ANKFN1: variants seen among roughly 807,000 people sequenced by gnomAD.
ANKFN1 encodes ankyrin repeat and fibronectin type-III domain-containing protein 1.
Under a neutral mutation model 108.7 loss-of-function variants are expected in ANKFN1, and 74 were observed. The ratio of observed to expected loss-of-function variants is 0.68; its 90% CI spans 0.56 to 0.83. The LOEUF is 0.83. Among genes scored for constraint, ANKFN1 ranks in the 40% least tolerant of loss-of-function variants. The probability of loss-of-function intolerance (pLI) is 0.00; values close to 1 mark genes in which losing one functional copy is unlikely to be tolerated. For synonymous variants in ANKFN1, 547 were observed against 516.2 expected (o/e 1.06, Z -0.81); for missense variants, 1,505 against 1,382.3 (o/e 1.09, Z -1.41).
At chr17:56,479,862 A>C (rs956688698) in intron 16 of ANKFN1, among the ~76,000 whole-genome samples, 4 of 152,228 alleles carry the variant, frequency 2.6e-5, no homozygotes, top group Non-Finnish European at 5.9e-5. Flanking sequence ...AATCTGGGCC[A>C]ACTGAATGTG....
intron 4 of ANKFN1, among the ~76,000 whole-genome samples, chr17:56,332,348 G>A (rs1379856073): frequency 6.6e-6 from 1 of 152,008 alleles, no homozygotes; most frequent in Admixed American, 6.6e-5. Context: ...TTCCCATTTT[G>A]GACCTGCATT....
At chr17:56,228,509 A>G (rs1374105361) in intron 3 of ANKFN1, 1 of 152,112 alleles carries the variant, frequency 6.6e-6, no homozygotes, top group Non-Finnish European at 1.5e-5. Flanking sequence ...CTATTCTGAA[A>G]GACCAAAGAA....
intron 1 of ANKFN1, among the ~76,000 whole-genome samples, chr17:56,211,324 T>C (rs1352107339): frequency 1.3e-5 from 2 of 152,228 alleles, no homozygotes; most frequent in Non-Finnish European, 2.9e-5. Context: ...TACATGTGGC[T>C]TGCCAATTAT....
chr17:56,143,332 A>G (rs1286724421), intron 4 of ANKFN1, among the ~76,000 whole-genome samples: 2 of 152,144 alleles, frequency 1.3e-5, no homozygotes, highest in Non-Finnish European at 2.9e-5. Context: ...AGTTGGAGTC[A>G]TCCCCTTTAT....
At chr17:56,329,779 G>A (rs924851925) in intron 4 of ANKFN1, among the ~76,000 whole-genome samples, 9 of 152,280 alleles carry the variant, frequency 5.9e-5, no homozygotes, top group African/African-American at 2.2e-4. Context: ...AACCCCCAAG[G>A]TGGTGGTATT....
chr17:56,144,961 A>G lies in ANKFN1; in HGVS notation c.289-82956A>G, dbSNP rs142531137. 1.8e-3 allele frequency among the ~76,000 whole-genome samples: 274 copies of G among 151,224 alleles called. 2 individuals carry two copies. The South Asian group carries it at 0.02, about 11-fold the overall frequency. ...CTTTTTTTTTTCTAAAAACCACAAGAGTGTTAGGTGATTTTTCCCTCCCTG... is the reference window on the plus strand; with the variant it reads ...CTTTTTTTTTTCTAAAAACCACAAGGGTGTTAGGTGATTTTTCCCTCCCTG... On this transcript the variant is annotated intron_variant, in intron 4 of 12. Coordinates refer to the ANKFN1 transcript ENST00000635860.
In ANKFN1 at chr17:56,262,559, T is replaced by C. The variant is rs140222135; in HGVS notation, c.53+34602T>C. ...AAGTCAAGACTTTCAGCAACCGTAT[T>C]CCTGCATGTTTTTTTATCAGAGTAG... is the stretch of plus-strand genomic sequence containing the variant. On this transcript the variant is annotated intron_variant, in intron 3 of 20. Transcript: ENST00000682825. 3.4e-3 allele frequency among the ~76,000 whole-genome samples: 518 copies of C among 152,310 alleles called. 5 individuals are homozygous for C. Among genetic ancestry groups the C allele is most frequent in the African/African-American group, 0.012 (489 of 41,552 alleles).
intron 6 of ANKFN1, among the ~76,000 whole-genome samples, chr17:56,362,875 G>A (rs1221402112): frequency 6.6e-6 from 1 of 152,160 alleles, no homozygotes; most frequent in African/African-American, 2.4e-5. Flanking sequence ...TCCAAAAAAT[G>A]TAAGGAATTC....
intron 4 of ANKFN1, among the ~76,000 whole-genome samples, chr17:56,094,590 G>A (rs576957979): frequency 1.4e-5 from 2 of 143,024 alleles, no homozygotes; most frequent in East Asian, 2.1e-4. Context: ...TGCAACCTCC[G>A]CCTCCTGGGA....
At chr17:56,274,870 G>A (rs1379548234) in intron 3 of ANKFN1, among the ~76,000 whole-genome samples, 1 of 152,200 alleles carries the variant, frequency 6.6e-6, no homozygotes, top group Admixed American at 6.5e-5. Context: ...ATTAGATTTG[G>A]AGGCAGGCAG....
At chr17:56,054,532 G>A (rs1247618163) in intron 4 of ANKFN1, among the ~76,000 whole-genome samples, 1 of 152,108 alleles carries the variant, frequency 6.6e-6, no homozygotes. Context: ...GCCTATAAAA[G>A]TTATATTTAA....
chr17:56,387,145 T>C (rs1384315233), intron 8 of ANKFN1, among the ~76,000 whole-genome samples: 1 of 152,156 alleles, frequency 6.6e-6, no homozygotes, highest in Non-Finnish European at 1.5e-5. Flanking sequence ...TTTTCTATTT[T>C]ATTAATTTTG....
intron 15 of ANKFN1, among the ~76,000 whole-genome samples, chr17:56,470,173 T>G (rs140128682): frequency 1.4e-4 from 21 of 152,334 alleles, no homozygotes; most frequent in South Asian, 4.2e-4. Context: ...CACATTTTCT[T>G]TATCCAGTCT....
chr17:56,064,774 T>C (rs1223212820), intron 4 of ANKFN1, among the ~76,000 whole-genome samples: 1 of 152,124 alleles, frequency 6.6e-6, no homozygotes, highest in East Asian at 1.9e-4. Flanking sequence ...AGGAGCTAAG[T>C]AGGCTTAAGC....
chr17:56,229,854 CA>C (rs932922478), intron 3 of ANKFN1, among the ~76,000 whole-genome samples: 3 of 151,710 alleles, frequency 2.0e-5, no homozygotes, highest in Non-Finnish European at 2.9e-5. Context: ...ACAATCCAGA[CA>C]AAATGGGTCT....
intron 1 of ANKFN1, among the ~76,000 whole-genome samples, chr17:56,177,805 TTTTTGTTTTGTTTTG>T (rs139512442): frequency 5.9e-5 from 9 of 151,474 alleles, no homozygotes; most frequent in Non-Finnish European, 1.3e-4. Flanking sequence ...TTTGTTTTTG[TTTTTGTTTTGTTTTG>T]TTTTGTTTTG....
chr17:56,049,979 A>T (rs1185676679), intron 4 of ANKFN1, among the ~76,000 whole-genome samples: 1 of 152,208 alleles, frequency 6.6e-6, no homozygotes, highest in African/African-American at 2.4e-5. Context: ...TGACTTCCAC[A>T]ATGGTTGAAC....
intron 18 of ANKFN1, among the ~76,000 whole-genome samples, chr17:56,483,980 A>G (rs957162631): frequency 6.6e-6 from 1 of 152,238 alleles, no homozygotes; most frequent in Non-Finnish European, 1.5e-5. Flanking sequence ...TGAAAAAAAG[A>G]AAGCACATTC....
At chr17:56,453,286 A>G (rs2049557734) in intron 11 of ANKFN1, among the ~76,000 whole-genome samples, 1 of 152,024 alleles carries the variant, frequency 6.6e-6, no homozygotes, top group South Asian at 2.1e-4. Flanking sequence ...TTTTAGTAAG[A>G]TCAGTATTTA....
Sources: allele counts gnomAD v4.1 joint callset (sites outside exome capture counted in the v4.1 genomes callset), GRCh38; gene constraint gnomAD v4.1.1; transcripts MANE v1.5; gene names NCBI Gene and HGNC (gene_info 2026-07-23, HGNC 2026-07-21).